Variants in CEP63 observed in about 807,000 individuals in gnomAD.
CEP63 encodes the protein centrosomal protein 63, also known as centrosomal protein of 63 kDa.
In CEP63, 84 loss-of-function variants were observed where a neutral mutation model predicts 89.1. That is an observed-to-expected ratio of 0.94 (90% CI 0.79 to 1.13). The LOEUF is 1.13. Among genes scored for constraint, CEP63 ranks in the 50% most tolerant of loss-of-function variants. The pLI, the probability that CEP63 is intolerant of heterozygous loss-of-function variation, is 0.00. For synonymous variants in CEP63, 267 were observed against 272.5 expected (o/e 0.98, Z 0.20); for missense variants, 838 against 813.3 (o/e 1.03, Z -0.37).
chr3:134,625,120 C>T, the CEP63 span: 30 of 1,599,216 alleles, frequency 1.9e-5, no homozygotes, highest in African/African-American at 1.7e-4. Context: ...CAGGCTAGAT[C>T]GATCCCAGGG....
intron 3 of CEP63, among the ~76,000 whole-genome samples, chr3:134,509,889 A>C (rs1004457043): frequency 1.3e-5 from 2 of 152,250 alleles, no homozygotes; most frequent in African/African-American, 4.8e-5. Context: ...AGTAGGGAGC[A>C]ACCTTAAACA....
intron 10 of CEP63, among the ~76,000 whole-genome samples, chr3:134,583,477 A>C (rs1958410999): frequency 6.6e-6 from 1 of 152,130 alleles, no homozygotes; most frequent in Non-Finnish European, 1.5e-5. Flanking sequence ...TTTGTCAAAG[A>C]TCAGATAGTT....
At chr3:134,622,286 A>G in the CEP63 span, among the ~76,000 whole-genome samples, 2 of 152,242 alleles carry the variant, frequency 1.3e-5, no homozygotes, top group Non-Finnish European at 1.5e-5. Context: ...AGCACTATCC[A>G]CAATAGCCAA....
chr3:134,737,272 C>G, the CEP63 span, among the ~76,000 whole-genome samples: 3 of 151,998 alleles, frequency 2.0e-5, no homozygotes, highest in Non-Finnish European at 4.4e-5. Flanking sequence ...ACAATAAGCA[C>G]AAAATCTAAT....
the CEP63 span, among the ~76,000 whole-genome samples, chr3:134,719,113 T>A: frequency 6.6e-6 from 1 of 151,976 alleles, no homozygotes; most frequent in Non-Finnish European, 1.5e-5. Context: ...CTCTTCAAGG[T>A]GTGGTACAAG....
chr3:134,736,222 T>C, the CEP63 span, among the ~76,000 whole-genome samples: 1 of 152,180 alleles, frequency 6.6e-6, no homozygotes, highest in South Asian at 2.1e-4. Flanking sequence ...TATGTATGTA[T>C]GTTCAAAACA....
At chr3:134,502,495 A>G (rs972341184) in intron 2 of CEP63, among the ~76,000 whole-genome samples, 1 of 152,118 alleles carries the variant, frequency 6.6e-6, no homozygotes, top group African/African-American at 2.4e-5. Flanking sequence ...ATTTAATTTT[A>G]TAACTCGTTA....
the CEP63 span, among the ~76,000 whole-genome samples, chr3:134,740,499 G>A: frequency 2.6e-5 from 4 of 152,046 alleles, no homozygotes; most frequent in East Asian, 3.9e-4. Context: ...GGGGTTCACC[G>A]TGTTAGCCAG....
chr3:134,536,495 C>G (rs542908533), intron 5 of CEP63: 1 of 153,304 alleles, frequency 6.5e-6, no homozygotes. Context: ...CTTGATCATG[C>G]AATTTGATGT....
At chr3:134,778,238 C>T in the CEP63 span, among the ~76,000 whole-genome samples, 2 of 151,616 alleles carry the variant, frequency 1.3e-5, no homozygotes, top group Non-Finnish European at 2.9e-5. Context: ...GCTAGGATTA[C>T]AGACGTGCAC....
At chr3:134,594,478 C>T in the CEP63 span, among the ~76,000 whole-genome samples, 31 of 152,234 alleles carry the variant, frequency 2.0e-4, no homozygotes, top group East Asian at 1.5e-3. Flanking sequence ...ATGCTCAGGG[C>T]GGGCGGATTC....
In CEP63 at chr3:134,563,844, T is replaced by C. The variant is rs1957556417; in HGVS notation, c.*2309T>C. Reference sequence around the variant, plus strand: ...TTACTGTGCTCCACCCATGCTGGCGTCCTTTCTGTTTATTGAGTGCAGCAA... The same window carrying C: ...TTACTGTGCTCCACCCATGCTGGCGCCCTTTCTGTTTATTGAGTGCAGCAA... On this transcript the variant is annotated 3_prime_UTR_variant, in exon 15 of 15. Transcript: ENST00000675561. 2 of 152,346 alleles carry C rather than the reference T, an allele frequency of 1.3e-5. No homozygotes were observed. The highest frequency in any genetic ancestry group is 2.4e-5 in the African/African-American group (1 of 41,460). The allele number at this position is 152,346 out of a possible 1,614,324, so 9.4% of individuals were successfully genotyped here.
At chr3:134,752,841 C>T in the CEP63 span, among the ~76,000 whole-genome samples, 3 of 152,138 alleles carry the variant, frequency 2.0e-5, no homozygotes, top group Admixed American at 2.0e-4. Context: ...GGACCCTGAA[C>T]TGTTTGAAGC....
the CEP63 span, among the ~76,000 whole-genome samples, chr3:134,712,805 T>C: frequency 1.3e-5 from 2 of 152,174 alleles, no homozygotes; most frequent in African/African-American, 4.8e-5. Context: ...ATAGAGTGTT[T>C]TCTCTTGGGG....
At chr3:134,708,311 A>C in the CEP63 span, among the ~76,000 whole-genome samples, 2 of 152,242 alleles carry the variant, frequency 1.3e-5, no homozygotes, top group Non-Finnish European at 2.9e-5. Context: ...CAACAACAAT[A>C]ATGCTTTGCC....
At chr3:134,522,204 T>C (rs574784568) in intron 3 of CEP63, among the ~76,000 whole-genome samples, 49 of 152,152 alleles carry the variant, frequency 3.2e-4, no homozygotes, top group Non-Finnish European at 6.5e-4. Flanking sequence ...AATTTGGGAT[T>C]TATCTAATCT....
the CEP63 span, among the ~76,000 whole-genome samples, chr3:134,745,269 G>T: frequency 2.6e-5 from 4 of 152,162 alleles, no homozygotes; most frequent in Admixed American, 6.5e-5. Context: ...TGTGTATGTT[G>T]TCTGGACTTT....
At chr3:134,664,457 G>T in the CEP63 span, among the ~76,000 whole-genome samples, 1 of 152,188 alleles carries the variant, frequency 6.6e-6, no homozygotes, top group Non-Finnish European at 1.5e-5. Context: ...CCTCACACTC[G>T]GGGCTTCTCT....
the CEP63 span, among the ~76,000 whole-genome samples, chr3:134,679,255 T>C: frequency 5.3e-5 from 8 of 152,262 alleles, no homozygotes; most frequent in Non-Finnish European, 5.9e-5. Context: ...AAACCCATTT[T>C]ATTGAAGAGA....
Sources: gnomAD v4.1 joint callset for allele counts (sites outside exome capture counted in the v4.1 genomes callset) on GRCh38, gnomAD v4.1.1 for gene constraint, MANE v1.5 for transcripts, NCBI Gene and HGNC (gene_info 2026-07-23, HGNC 2026-07-21) for gene names.